Variants in TTN observed in about 807,000 individuals in gnomAD.
TTN encodes titin, also known as connectin.
Under a neutral mutation model 3,223.0 loss-of-function variants are expected in TTN, and 1,525 were observed. The ratio of observed to expected loss-of-function variants is 0.47; its 90% CI spans 0.45 to 0.49. The LOEUF (loss-of-function observed/expected upper bound fraction) is 0.49, where lower values mean the gene tolerates loss of function less well. Among genes scored for constraint, TTN ranks in the 20% least tolerant of loss-of-function variants. The pLI is 0.00. For missense variants in TTN, 40,786 were observed against 43,424.0 expected, an observed-to-expected ratio of 0.94 and a Z score of 5.40; for synonymous variants, 14,094 against 15,161.0, an observed-to-expected ratio of 0.93 and a Z score of 5.17.
chr2:178,575,251 C>T lies in TTN; in HGVS notation c.70881G>A (p.Gln23627=), dbSNP rs768114278. The change falls in exon 326 of 363, where the codon CAG becomes CAA. Residue 23627 remains glutamine (Q), a synonymous_variant. Coordinates refer to ENST00000589042, the MANE Select transcript of TTN (RefSeq NM_001267550.2). This position sits in a 1 kb window ranked among gnomAD's most constrained non-coding sequence, Gnocchi z 4.0. ...RESRPVIVKE[Q]TMLPELDLRG... ...GGAGATCCAGCTCTGGAAGCATTGT[C>T]TGCTCCTTGACAATGACGGGTCTGC... 2 of 1,613,262 alleles carry T rather than the reference C, an allele frequency of 1.2e-6. No homozygotes were observed. The highest frequency in any genetic ancestry group is 2.2e-5 in the East Asian group (1 of 44,642).
chr2:178,553,105 T>A lies in TTN; in HGVS notation c.89795A>T (p.Asp29932Val), dbSNP rs1431116510. 6.2e-7 allele frequency: 1 copy of A among 1,611,770 alleles called. No individual in the cohort carries two copies. Among genetic ancestry groups the A allele is most frequent in the Non-Finnish European group, 8.5e-7 (1 of 1,178,264 alleles). Residue 29932 changes from aspartate (D) to valine (V), a missense_variant, in exon 335 of 363, where the codon GAC (aspartate) becomes GTC (valine). Physicochemically the swap from Asp to Val is radical, Grantham distance 152 (BLOSUM62 -3). Transcript: ENST00000589042. ...KSSTVSVKVL[D>V]TPAACQKLQV... ...TAGTTTCTGGCAGGCAGCTGGTGTG[T>A]CAAGCACTTTAACACTCACAGTTGA...
chr2:178,612,558 C>A lies in TTN; in HGVS notation c.49967G>T (p.Arg16656Leu), dbSNP rs373799076. The A allele has an allele frequency of 5.6e-6, 9 of 1,609,472 alleles. No homozygotes were observed. The highest frequency in any genetic ancestry group is 7.6e-6 in the Non-Finnish European group (9 of 1,178,542). The change falls in exon 266 of 363, where the codon CGC (arginine) becomes CTC (leucine). Residue 16656 changes from arginine to leucine, a missense_variant. Transcript: ENST00000589042. The part of the protein sequence containing the change: ...REKLYPPSPP[R>L]WLEVINITKN... ...TGTGATATTAATAACTTCAAGCCAGCGTGGTGGTGATGGAGGATCTGAAAA... is the reference window on the plus strand; with the variant it reads ...TGTGATATTAATAACTTCAAGCCAGAGTGGTGGTGATGGAGGATCTGAAAA...
Position 178,591,622 on chromosome 2 carries a change from G to A in TTN, c.60197C>T (p.Pro20066Leu), listed in dbSNP as rs750217838. The A allele has an allele frequency of 4.4e-5, 71 of 1,612,572 alleles. 1 individual carries two copies. Among genetic ancestry groups the A allele is most frequent in the Middle Eastern group, 3.3e-4 (2 of 6,068 alleles). ...VGLGLPDTTI[P>L]IECQEKLVPP... ...ACCTAGTTTTTCTTGACATTCTATC[G>A]GGATAGTTGTGTCAGGGAGACCAAG... Residue 20066 changes from proline (P) to leucine (L), a missense_variant, in exon 303 of 363, where the codon CCG (proline) becomes CTG (leucine). Coordinates refer to ENST00000589042, the MANE Select transcript of TTN (RefSeq NM_001267550.2).
At chr2:178,757,231 T>TGTCCTTGCTTTAAGTA (rs1252574568) in intron 45 of TTN, among the ~76,000 whole-genome samples, 1 of 148,872 alleles carries the variant, frequency 6.7e-6, no homozygotes, top group South Asian at 2.1e-4. Flanking sequence ...TAAGTAATAA[T>TGTCCTTGCTTTAAGTA]CAGCAAATAG....
chr2:178,578,124 C>G lies in TTN; in HGVS notation c.68391G>C (p.Pro22797=), dbSNP rs368985748. The change falls in exon 322 of 363, where the codon CCG becomes CCC. Residue 22797 remains proline (P), a synonymous_variant. Coordinates refer to ENST00000589042, the MANE Select transcript of TTN (RefSeq NM_001267550.2). ...TCACTTTAAAGTCTCTCATCCTTAT[C>G]GGAGTCTTGTTAGCTCTCTTCCACA... ...SLLWKRANKT[P]IRMRDFKVTG... 1 of 1,613,190 alleles carries G rather than the reference C, an allele frequency of 6.2e-7. No individual in the cohort carries two copies. Among genetic ancestry groups the G allele is most frequent in the Non-Finnish European group, 8.5e-7 (1 of 1,179,410 alleles).
In TTN at chr2:178,717,134, C is replaced by T. The variant is rs779163897; in HGVS notation, c.25600G>A (p.Ala8534Thr). 2.3e-5 allele frequency: 37 copies of T among 1,613,210 alleles called. No individual in the cohort carries two copies. Among genetic ancestry groups the T allele is most frequent in the Middle Eastern group, 1.6e-4 (1 of 6,074 alleles). The change falls in exon 88 of 363, where the codon GCT becomes ACT. Residue 8534 changes from alanine to threonine, a missense_variant. Physicochemically the swap from Ala to Thr is moderately conservative, Grantham distance 58. Transcript: ENST00000589042. ...GQYTCYASNIAGKDSCSAQLG... is the reference protein window; with the variant it reads ...GQYTCYASNITGKDSCSAQLG... Reference sequence around the variant, plus strand: ...TGAGCAGAACAAGAGTCTTTTCCAGCGATGTTGCTTGCATAGCAGGTGTAC... The same window carrying T: ...TGAGCAGAACAAGAGTCTTTTCCAGTGATGTTGCTTGCATAGCAGGTGTAC...
Position 178,552,289 on chromosome 2 carries a change from A to G in TTN, c.90611T>C (p.Val30204Ala), listed in dbSNP as rs1699759872. The change falls in exon 335 of 363, where the codon GTT becomes GCT. Residue 30204 changes from valine to alanine, a missense_variant. Physicochemically the swap from Val to Ala is moderately conservative, Grantham distance 64. Transcript: ENST00000589042. ...TCTACACACTGCATTATCAAGAATA[A>G]CAGTGTATTTTCCTCCATGCTCCTT... ...AKKEHGGKYT[V>A]ILDNAVCRIA... 1 of 1,613,408 alleles carries G rather than the reference A, an allele frequency of 6.2e-7. No homozygotes were observed. The highest frequency in any genetic ancestry group is 8.5e-7 in the Non-Finnish European group (1 of 1,179,642).
intron 99 of TTN, among the ~76,000 whole-genome samples, chr2:178,708,422 A>G (rs1469483553): frequency 2.0e-5 from 3 of 152,210 alleles, no homozygotes; most frequent in East Asian, 1.9e-4. Flanking sequence ...GATGAGTAAC[A>G]TGATAGGAAG....
Position 178,587,879 on chromosome 2 carries a change from A to G in TTN, c.63508+20T>C. On this transcript the variant is annotated intron_variant, in intron 305 of 362. Transcript: ENST00000589042. The stretch of plus-strand genomic sequence containing the variant: ...AAGAAATTAAGTGTGAATGAATCAC[A>G]TGCTAAGGGAAGGACTTACCTAGTA... 1.9e-6 allele frequency: 3 copies of G among 1,572,932 alleles called. No individual in the cohort carries two copies. The highest frequency in any genetic ancestry group is 1.2e-5 in the South Asian group (1 of 84,034).
In TTN at chr2:178,696,022, T is replaced by G; in HGVS notation, c.31050A>C (p.Val10350=). 2 of 1,548,656 alleles carry G rather than the reference T, an allele frequency of 1.3e-6. No individual in the cohort carries two copies. The highest frequency in any genetic ancestry group is 1.7e-6 in the Non-Finnish European group (2 of 1,145,894). ...CCTCGTGAACTTCTTTTTTAGCTTCTACCTTAATCTCTTCATAGTCTTCAT... is the reference window on the plus strand; with the variant it reads ...CCTCGTGAACTTCTTTTTTAGCTTCGACCTTAATCTCTTCATAGTCTTCAT... ...EPDEDYEEIK[V]EAKKEVHEEW... The change falls in exon 114 of 363, where the codon GTA becomes GTC. Residue 10350 remains valine (V), a synonymous_variant. Coordinates refer to ENST00000589042, the MANE Select transcript of TTN (RefSeq NM_001267550.2).
Position 178,587,993 on chromosome 2 carries a change from G to A in TTN, c.63414C>T (p.Asn21138=). ...CACACACCCTGAACTCATATTCCTGGTTTTCATCCAAGCTGGTAACAGTGA... is the reference window on the plus strand; with the variant it reads ...CACACACCCTGAACTCATATTCCTGATTTTCATCCAAGCTGGTAACAGTGA... The part of the protein sequence containing the change: ...KEFTVTSLDE[N]QEYEFRVCAQ... The change falls in exon 305 of 363, where the codon AAC becomes AAT. Residue 21138 remains asparagine (N), a synonymous_variant. Coordinates refer to ENST00000589042, the MANE Select transcript of TTN (RefSeq NM_001267550.2). The A allele has an allele frequency of 6.2e-7, 1 of 1,612,572 alleles. No homozygotes were observed. The highest frequency in any genetic ancestry group is 8.5e-7 in the Non-Finnish European group (1 of 1,179,274).
At position 178,764,658 on chromosome 2, in the gene TTN, T is replaced by C. The variant is rs200052398; in HGVS notation, c.9857A>G (p.Lys3286Arg). 388 of 1,614,026 alleles carry C rather than the reference T, an allele frequency of 2.4e-4. No homozygotes were observed. The highest frequency in any genetic ancestry group is 3.1e-4 in the Non-Finnish European group (369 of 1,179,990). The change falls in exon 42 of 363, where the codon AAA becomes AGA. Residue 3286 changes from lysine (K) to arginine (R), a missense_variant. Physicochemically the swap from Lys to Arg is conservative, Grantham distance 26. Transcript: ENST00000589042. ...GTATTCTTGCCCATCATGAAGAAAT[T>C]TGCACTTGAAGCCAGTGGAAAGCAG... is the stretch of plus-strand genomic sequence containing the variant. ...EQLLSTGFKC[K>R]FLHDGQEYTL...
chr2:178,547,728 TA>T lies in TTN; in HGVS notation c.93897del (p.Phe31299LeufsTer14), dbSNP rs397517758. ...TLENTAGVKT[F>X]SVTVVVIGRP... ...CTTCCAATGACCACAACTGTGACGC[TA>T]AATGTTTTAACACCAGCTGTATTTT... On this transcript the variant is annotated frameshift_variant, in exon 339 of 363. Transcript: ENST00000589042. LOFTEE classifies it high-confidence loss of function. 6.2e-7 allele frequency: 1 copy of T among 1,613,914 alleles called. No individual in the cohort carries two copies. Among genetic ancestry groups the T allele is most frequent in the Admixed American group, 1.7e-5 (1 of 60,008 alleles).
In TTN at chr2:178,557,123, A is replaced by T. The variant is rs762659029; in HGVS notation, c.88031T>A (p.Ile29344Asn). ...DACEPPRNVR[I>N]TDISKNSVSL... ...GACAGAGTTCTTTGAAATATCAGTGATACGAACATTTCTTGGGGGTTCTGT... is the reference window on the plus strand; with the variant it reads ...GACAGAGTTCTTTGAAATATCAGTGTTACGAACATTTCTTGGGGGTTCTGT... Residue 29344 changes from isoleucine (I) to asparagine (N), a missense_variant, in exon 330 of 363, where the codon ATC becomes AAC. Transcript: ENST00000589042. 6.8e-6 allele frequency: 11 copies of T among 1,613,678 alleles called. No individual in the cohort carries two copies. The South Asian group carries it at 1.2e-4, about 18-fold the overall frequency.
rs1174402887 is a variant in TTN at position 178,584,467 on chromosome 2, A to C, written c.65084T>G (p.Leu21695Arg). ...ACTGTTTCTTTCCTTGCGTTCAATC[A>C]GATAACCAATAATGGGGCTCCCTCC... ...SDGGSPIIGYLIERKERNSLL... is the reference protein window; with the variant it reads ...SDGGSPIIGYRIERKERNSLL... Residue 21695 changes from leucine to arginine, a missense_variant, in exon 311 of 363, where the codon CTG becomes CGG. Leu to Arg is a moderately radical substitution (Grantham distance 102, BLOSUM62 -2). Coordinates refer to ENST00000589042, the MANE Select transcript of TTN (RefSeq NM_001267550.2). The C allele has an allele frequency of 6.2e-7, 1 of 1,613,288 alleles. No homozygotes were observed. Among genetic ancestry groups the C allele is most frequent in the South Asian group, 1.1e-5 (1 of 91,064 alleles).
In TTN at chr2:178,589,679, C is replaced by T. The variant is rs756250387; in HGVS notation, c.62046G>A (p.Lys20682=). The change falls in exon 304 of 363, where the codon AAG becomes AAA. Residue 20682 remains lysine, a synonymous_variant. Transcript: ENST00000589042. The part of the protein sequence containing the change: ...PENLHIADKG[K]TFVYLKWRRP... ...TCCGCCACTTTAGATAGACAAATGT[C>T]TTTCCTTTATCTGCAATGTGAAGGT... The T allele has an allele frequency of 6.2e-7, 1 of 1,613,506 alleles. No individual in the cohort carries two copies. The highest frequency in any genetic ancestry group is 1.1e-5 in the South Asian group (1 of 91,068).
Position 178,654,096 on chromosome 2 carries a change from C to T in TTN, c.38381-1G>A, listed in dbSNP as rs1415660792. The T allele has an allele frequency of 1.3e-6, 2 of 1,593,276 alleles. No homozygotes were observed. Among genetic ancestry groups the T allele is most frequent in the East Asian group, 4.5e-5 (2 of 44,622 alleles). On this transcript the variant is annotated splice_acceptor_variant, in intron 193 of 362. Transcript: ENST00000589042. LOFTEE classifies it high-confidence loss of function. ...ACAACTTCTTGAGCAGCTTCAGGCA[C>T]TTGAAAGATATTAGTATTTTTATAA...
At chr2:178,701,621 T>G (rs1260955544) in intron 109 of TTN, 34 bp from the exon 110 acceptor site, 1 of 1,597,704 alleles carries the variant, frequency 6.3e-7, no homozygotes, top group African/African-American at 1.3e-5. Context: ...ATAGAGAGAC[T>G]GAGAACAAGC....
chr2:178,630,412 T>A, intron 238 of TTN, 45 bp from the exon 239 acceptor site: 1 of 1,541,678 alleles, frequency 6.5e-7, no homozygotes, highest in Non-Finnish European at 8.7e-7. Context: ...ATAATTTTCT[T>A]TGAAATTTTG....
Sources: allele counts gnomAD v4.1 joint callset (sites outside exome capture counted in the v4.1 genomes callset), GRCh38; gene constraint gnomAD v4.1.1; non-coding constraint Gnocchi (gnomAD v3.1); transcripts MANE v1.5; gene names NCBI Gene and HGNC (gene_info 2026-07-23, HGNC 2026-07-21).